The following CCT6B variants were observed in gnomAD, a reference collection of about 807,000 sequenced individuals.
The protein encoded by CCT6B is chaperonin containing TCP1 subunit 6B.
Under a neutral mutation model 61.5 loss-of-function variants are expected in CCT6B, and 49 were observed. That is an observed-to-expected ratio of 0.80 (90% CI 0.63 to 1.01). The LOEUF (loss-of-function observed/expected upper bound fraction) is 1.01. CCT6B is among the 50% of genes least tolerant of loss of function. The pLI is 0.00. For synonymous variants in CCT6B, 228 were observed against 214.5 expected, an observed-to-expected ratio of 1.06 and a Z score of -0.55; for missense variants, 666 against 634.7, an observed-to-expected ratio of 1.05 and a Z score of -0.53.
intron 10 of CCT6B, among the ~76,000 whole-genome samples, chr17:34,935,417 T>G (rs1462297727): frequency 2.0e-5 from 3 of 152,234 alleles, no homozygotes; most frequent in African/African-American, 7.2e-5. Flanking sequence ...ATGTTATGTA[T>G]ATTTATCACA....
rs1384994878 is a variant in CCT6B, at chr17:34,940,481, G to A, written c.968+58C>T. ...ACATAAGCTAAAAGGAAAACACATG[G>A]GATAGTTTCCATTTACTCTGTTAAA... On this transcript the variant is annotated intron_variant, in intron 8 of 13. Transcript: ENST00000314144. 5.7e-6 allele frequency: 5 copies of A among 884,272 alleles called. No individual in the cohort carries two copies. In the East Asian group the frequency reaches 1.4e-4, roughly 24 times the overall value. 54.8% of individuals were successfully genotyped at this position (884,272 alleles called of 1,614,324 possible). A position where few individuals can be genotyped will look rare whatever the true frequency, so the allele number is the denominator to read the frequency against.
chr17:34,953,011 A>G (rs1372263176), intron 4 of CCT6B, among the ~76,000 whole-genome samples: 3 of 152,064 alleles, frequency 2.0e-5, no homozygotes, highest in Non-Finnish European at 2.9e-5. Context: ...CTCATCAAGA[A>G]ATTGTCTGAT....
chr17:34,953,505 T>C (rs2090315755), intron 4 of CCT6B, among the ~76,000 whole-genome samples: 1 of 151,854 alleles, frequency 6.6e-6, no homozygotes, highest in Non-Finnish European at 1.5e-5. Flanking sequence ...AATTTTTGTA[T>C]TTTGAGTACA....
rs2090151815 is a variant in CCT6B, at chr17:34,940,552, TTC to T, written c.953_954del (p.Arg318LysfsTer19). 1.3e-6 allele frequency: 2 copies of T among 1,568,658 alleles called. No homozygotes were observed. The highest frequency in any genetic ancestry group is 1.7e-6 in the Non-Finnish European group (2 of 1,151,592). ...HGIVALRRAK[R>X]RNMERLSLAC... ...CTGCAAGCTTACCTTTCCATATTTC[TTC>T]TTTTTGCTCTGCGAAGAGCTACTAT... On this transcript the variant is annotated frameshift_variant, in exon 8 of 14. Transcript: ENST00000314144. LOFTEE classifies it high-confidence loss of function.
chr17:34,961,123 C>A, intron 1 of CCT6B, 134 bp downstream of exon 1: 1 of 1,142,640 alleles, frequency 8.8e-7, no homozygotes, highest in African/African-American at 1.6e-5. Context: ...GAAATACCCC[C>A]AGAGCAGGGA....
In CCT6B at chr17:34,931,008, A is replaced by G; in HGVS notation, c.1391T>C (p.Val464Ala). 1.2e-6 allele frequency: 2 copies of G among 1,604,162 alleles called. No homozygotes were observed. Among genetic ancestry groups the G allele is most frequent in the Non-Finnish European group, 1.7e-6 (2 of 1,173,466 alleles). Residue 464 changes from valine to alanine, a missense_variant, in exon 12 of 14, where the codon GTA becomes GCA. By Grantham distance (64) the Val-to-Ala change is moderately conservative (BLOSUM62 0). Transcript: ENST00000314144. ...CTCGACATGCTCAGCCTGAACTTTT[A>G]CTAATGTTTCCTGTGGGTCATAACC... is the stretch of plus-strand genomic sequence containing the variant. ...NAGYDPQETLVKVQAEHVESK... is the reference protein window; with the variant it reads ...NAGYDPQETLAKVQAEHVESK...
chr17:34,961,354 C>T lies in CCT6B; in HGVS notation c.40G>A (p.Ala14Thr). The change falls in exon 1 of 14, where the codon GCG (alanine) becomes ACG (threonine). Residue 14 changes from alanine (A) to threonine (T), a missense_variant. By Grantham distance (58) the Ala-to-Thr change is moderately conservative (BLOSUM62 0). Transcript: ENST00000314144. ...IKAVNSKAEV[A>T]RARAALAVNI... The stretch of plus-strand genomic sequence containing the variant: ...ACAGCCAAAGCTGCCCGGGCCCGCG[C>T]CACCTCAGCCTTGGAGTTGACGGCC... 1 of 1,612,108 alleles carries T rather than the reference C, an allele frequency of 6.2e-7. No homozygotes were observed. Among genetic ancestry groups the T allele is most frequent in the Non-Finnish European group, 8.5e-7 (1 of 1,179,902 alleles).
At chr17:34,930,643 C>A (rs1451066573) in intron 12 of CCT6B, among the ~76,000 whole-genome samples, 1 of 152,062 alleles carries the variant, frequency 6.6e-6, no homozygotes, top group Admixed American at 6.6e-5. Context: ...ATTACTTTTT[C>A]TAAAATGCTG....
At chr17:34,941,536 TC>T (rs1466286570) in intron 7 of CCT6B, among the ~76,000 whole-genome samples, 1 of 152,232 alleles carries the variant, frequency 6.6e-6, no homozygotes, top group Non-Finnish European at 1.5e-5. Flanking sequence ...TTAAAAAAGT[TC>T]AAATGTTATT....
chr17:34,952,442 A>G (rs1324933075), intron 4 of CCT6B, among the ~76,000 whole-genome samples: 1 of 152,194 alleles, frequency 6.6e-6, no homozygotes, highest in Non-Finnish European at 1.5e-5. Context: ...ACCAAAGGAC[A>G]CCTTAATGGA....
Position 34,959,625 on chromosome 17 carries a change from T to C in CCT6B, c.163A>G (p.Lys55Glu). 1.2e-6 allele frequency: 2 copies of C among 1,612,786 alleles called. No homozygotes were observed. Among genetic ancestry groups the C allele is most frequent in the African/African-American group, 2.7e-5 (2 of 75,014 alleles). The change falls in exon 2 of 14, where the codon AAA becomes GAA. Residue 55 changes from lysine (K) to glutamate (E), a missense_variant. Physicochemically the swap from Lys to Glu is moderately conservative, Grantham distance 56. Coordinates refer to ENST00000314144, the MANE Select transcript of CCT6B (RefSeq NM_006584.4). ...AGCACATTGCCATCTTTGGTGAGTTTGATGTCACCTGCACCAGAAACAAGC... is the reference window on the plus strand; with the variant it reads ...AGCACATTGCCATCTTTGGTGAGTTCGATGTCACCTGCACCAGAAACAAGC... ...KMLVSGAGDI[K>E]LTKDGNVLLD...
intron 12 of CCT6B, among the ~76,000 whole-genome samples, chr17:34,930,004 T>A (rs1164840562): frequency 6.6e-6 from 1 of 152,212 alleles, no homozygotes; most frequent in African/African-American, 2.4e-5. Flanking sequence ...TCCAACCTTC[T>A]ACTTGTTCAG....
chr17:34,938,362 T>A (rs1305694349), intron 10 of CCT6B, among the ~76,000 whole-genome samples: 1 of 149,518 alleles, frequency 6.7e-6, no homozygotes, highest in Non-Finnish European at 1.5e-5. Flanking sequence ...AGGCCAGGAG[T>A]TCAAGACCAG....
chr17:34,961,153 G>A (rs1351051250), intron 1 of CCT6B, 104 bp downstream of exon 1: 3 of 1,376,182 alleles, frequency 2.2e-6, no homozygotes, highest in Admixed American at 4.7e-5. Context: ...GGGAAATCAA[G>A]CTCGCAAGAA....
chr17:34,942,344 T>A lies in CCT6B; in HGVS notation c.885+140A>T, dbSNP rs2090173234. On this transcript the variant is annotated intron_variant, in intron 7 of 13. Coordinates refer to ENST00000314144, the MANE Select transcript of CCT6B (RefSeq NM_006584.4). ...AAATGTCAACACAATGTAAAAGGTG[T>A]AATTATTATTATGAAAATAGTTTTT... is the stretch of plus-strand genomic sequence containing the variant. 14 of 623,096 alleles carry A rather than the reference T, an allele frequency of 2.2e-5. 1 individual carries two copies. In the East Asian group the frequency reaches 4.3e-4, roughly 19 times the overall value. The allele number at this position is 623,096 out of a possible 1,614,324, so 38.6% of individuals were successfully genotyped here. A position where few individuals can be genotyped will look rare whatever the true frequency, so the allele number is the denominator to read the frequency against.
Position 34,954,497 on chromosome 17 carries a change from T to A in CCT6B, c.439A>T (p.Ile147Phe), listed in dbSNP as rs752130127. The change falls in exon 4 of 14, where the codon ATC becomes TTC. Residue 147 changes from isoleucine (I) to phenylalanine (F), a missense_variant. Transcript: ENST00000314144. ...VKVTKEMKRK[I>F]LLDVARTSLQ... is the part of the protein sequence containing the mutation. ...GATGTTCTAGCTACATCTAAGAGGATTTTTCTTTTCATCTCCTTTGTCACT... is the reference window on the plus strand; with the variant it reads ...GATGTTCTAGCTACATCTAAGAGGAATTTTCTTTTCATCTCCTTTGTCACT... 6 of 1,613,752 alleles carry A rather than the reference T, an allele frequency of 3.7e-6. No individual in the cohort carries two copies. In the Admixed American group the frequency reaches 8.3e-5, roughly 22 times the overall value.
chr17:34,944,776 A>G (rs1183182712), intron 5 of CCT6B, among the ~76,000 whole-genome samples: 1 of 152,168 alleles, frequency 6.6e-6, no homozygotes, highest in Non-Finnish European at 1.5e-5. Flanking sequence ...AATACAAAAA[A>G]TTAGTCGGGC....
At position 34,939,231 on chromosome 17, in the gene CCT6B, C is replaced by A. The variant is rs2142148144; in HGVS notation, c.1165G>T (p.Asp389Tyr). The A allele has an allele frequency of 6.2e-7, 1 of 1,613,816 alleles. No individual in the cohort carries two copies. Among genetic ancestry groups the A allele is most frequent in the Non-Finnish European group, 8.5e-7 (1 of 1,179,844 alleles). Residue 389 changes from aspartate to tyrosine, a missense_variant, in exon 10 of 14, where the codon GAT becomes TAT. Coordinates refer to ENST00000314144, the MANE Select transcript of CCT6B (RefSeq NM_006584.4). ...GCACGAAGTCCATCTCTTATGGCAT[C>A]CTTGACTTGTGTGAGAGTATGCTTA... ...PNKHTLTQVK[D>Y]AIRDGLRAIK...
intron 13 of CCT6B, among the ~76,000 whole-genome samples, chr17:34,928,421 C>A (rs1340318862): frequency 1.3e-5 from 2 of 151,988 alleles, no homozygotes; most frequent in Admixed American, 1.3e-4. Context: ...AACAGGCACC[C>A]ACCAACACGC....
Sources: allele counts gnomAD v4.1 joint callset (sites outside exome capture counted in the v4.1 genomes callset), GRCh38; gene constraint gnomAD v4.1.1; transcripts MANE v1.5; gene names NCBI Gene and HGNC (gene_info 2026-07-23, HGNC 2026-07-21).